The following EYS variants were observed in gnomAD, a reference collection of about 807,000 sequenced individuals.
The protein encoded by EYS is EGF-like photoreceptor maintenance factor.
Under a neutral mutation model 282.1 loss-of-function variants are expected in EYS, and 250 were observed. The observed-to-expected ratio is 0.89, with a 90% CI of 0.80 to 0.98. The LOEUF is 0.98. Among genes scored for constraint, EYS ranks in the 50% least tolerant of loss-of-function variants. The pLI is 0.00. For synonymous variants in EYS, 1,355 were observed against 1,282.9 expected (o/e 1.06, Z -1.20); for missense variants, 4,016 against 3,709.0 (o/e 1.08, Z -2.15).
chr6:64,212,622 G>A lies in EYS; in HGVS notation c.6424+17970C>T, dbSNP rs185351259. Among the ~76,000 whole-genome samples, 28 of 151,374 alleles carry A rather than the reference G, an allele frequency of 1.8e-4. No individual in the cohort carries two copies. In the East Asian group the frequency reaches 5.1e-3, roughly 27 times the overall value. Reference sequence around the variant, plus strand: ...TTAAAAGTCAAAAACAGATGCTGGCGAGGTTGTAGAGAAAAAGGAACACTT... The same window carrying A: ...TTAAAAGTCAAAAACAGATGCTGGCAAGGTTGTAGAGAAAAAGGAACACTT... On this transcript the variant is annotated intron_variant, in intron 31 of 42. Transcript: ENST00000503581.
intron 26 of EYS, among the ~76,000 whole-genome samples, chr6:64,518,413 C>T (rs961725885): frequency 1.3e-5 from 2 of 151,678 alleles, no homozygotes; most frequent in Admixed American, 6.6e-5. Flanking sequence ...CTCATGCATA[C>T]TCTGAGTCTA....
intron 22 of EYS, among the ~76,000 whole-genome samples, chr6:64,633,108 TTCTA>T (rs1251205142): frequency 2.0e-5 from 3 of 152,194 alleles, no homozygotes; most frequent in African/African-American, 7.2e-5. Flanking sequence ...TCCTGAGTAA[TTCTA>T]TTGTCACTAT....
At chr6:65,400,876 C>G (rs1766468462) in intron 7 of EYS, among the ~76,000 whole-genome samples, 2 of 151,846 alleles carry the variant, frequency 1.3e-5, no homozygotes, top group Admixed American at 1.3e-4. Flanking sequence ...AGTAGTTAAA[C>G]TAGTTGGAAG....
chr6:63,963,533 C>T (rs1001308881), intron 35 of EYS, among the ~76,000 whole-genome samples: 1 of 152,190 alleles, frequency 6.6e-6, no homozygotes, highest in Non-Finnish European at 1.5e-5. Context: ...GCATTGCTTT[C>T]TGCTCCTGGC....
At chr6:63,800,530 A>T (rs1770757622) in intron 37 of EYS, among the ~76,000 whole-genome samples, 1 of 152,158 alleles carries the variant, frequency 6.6e-6, no homozygotes, top group Admixed American at 6.5e-5. Flanking sequence ...CTGGGCGCGG[A>T]GTGGCTCACG....
At chr6:65,149,683 CAT>C (rs1764565021) in intron 12 of EYS, among the ~76,000 whole-genome samples, 1 of 152,270 alleles carries the variant, frequency 6.6e-6, no homozygotes, top group African/African-American at 2.4e-5. Context: ...AACTTTTCCA[CAT>C]GTTTCTGTCT....
At chr6:64,965,973 TGTGTGC>T (rs199541262) in intron 14 of EYS, among the ~76,000 whole-genome samples, 8 of 149,954 alleles carry the variant, frequency 5.3e-5, no homozygotes, top group South Asian at 2.1e-4. Context: ...TGTGTGTGTG[TGTGTGC>T]GCCTGTGTGT....
At chr6:64,352,651 T>A (rs1285312871) in intron 29 of EYS, among the ~76,000 whole-genome samples, 1 of 151,552 alleles carries the variant, frequency 6.6e-6, no homozygotes, top group African/African-American at 2.4e-5. Context: ...ATGAGTGATT[T>A]AATAACTTAA....
intron 29 of EYS, among the ~76,000 whole-genome samples, chr6:64,360,435 G>T (rs141154145): frequency 2.6e-5 from 4 of 151,640 alleles, no homozygotes; most frequent in African/African-American, 9.7e-5. Flanking sequence ...CTTGTGTGCC[G>T]CTATGTCATT....
intron 12 of EYS, among the ~76,000 whole-genome samples, chr6:65,258,183 G>A (rs1045334334): frequency 1.6e-4 from 25 of 151,868 alleles, no homozygotes; most frequent in African/African-American, 3.4e-4. Flanking sequence ...TTAAAAATGC[G>A]AAGATATTAA....
intron 5 of EYS, chr6:65,490,281 A>G (rs949589552): frequency 9.8e-6 from 2 of 204,116 alleles, no homozygotes; most frequent in Non-Finnish European, 2.0e-5. Context: ...AGAAGTGTCA[A>G]ATAAACACAT....
intron 2 of EYS, among the ~76,000 whole-genome samples, chr6:65,563,110 G>A (rs534094797): frequency 1.9e-4 from 29 of 152,190 alleles, no homozygotes; most frequent in African/African-American, 6.3e-4. Context: ...AATTGCAGTC[G>A]AGAGAATTTG....
chr6:65,289,877 A>G (rs1582105453), intron 12 of EYS, among the ~76,000 whole-genome samples: 1 of 151,162 alleles, frequency 6.6e-6, no homozygotes, highest in Admixed American at 6.6e-5. Flanking sequence ...AAATATACCA[A>G]AAAGCAATGA....
At chr6:64,797,252 C>T (rs1398210477) in intron 22 of EYS, among the ~76,000 whole-genome samples, 1 of 151,924 alleles carries the variant, frequency 6.6e-6, no homozygotes, top group African/African-American at 2.4e-5. Context: ...AATACCCGTA[C>T]TCTTTAAGAG....
intron 8 of EYS, among the ~76,000 whole-genome samples, chr6:65,356,589 C>A (rs1018444083): frequency 6.6e-6 from 1 of 152,016 alleles, no homozygotes; most frequent in African/African-American, 2.4e-5. Context: ...GGATATATTT[C>A]AATGGGTGCC....
intron 2 of EYS, among the ~76,000 whole-genome samples, chr6:65,562,321 C>A (rs1371526714): frequency 6.6e-6 from 1 of 151,982 alleles, no homozygotes; most frequent in African/African-American, 2.4e-5. Flanking sequence ...GGGTACATAT[C>A]ACCCATGGGG....
chr6:65,153,988 T>C (rs1293607933), intron 12 of EYS, among the ~76,000 whole-genome samples: 1 of 151,806 alleles, frequency 6.6e-6, no homozygotes, highest in Non-Finnish European at 1.5e-5. Flanking sequence ...CTAACGATAG[T>C]TCTATTAATA....
At chr6:64,841,997 T>C (rs775127999) in intron 19 of EYS, among the ~76,000 whole-genome samples, 19 of 152,150 alleles carry the variant, frequency 1.2e-4, no homozygotes, top group Non-Finnish European at 5.9e-5. Flanking sequence ...CAGGATTAGA[T>C]GGCTTTGTCT....
intron 22 of EYS, among the ~76,000 whole-genome samples, chr6:64,742,452 A>G (rs181670680): frequency 4.6e-5 from 7 of 152,304 alleles, no homozygotes; most frequent in African/African-American, 1.4e-4. Flanking sequence ...TGTGGCAAAA[A>G]TGGTGTCAAT....
Sources: allele counts gnomAD v4.1 joint callset (sites outside exome capture counted in the v4.1 genomes callset), GRCh38; gene constraint gnomAD v4.1.1; transcripts MANE v1.5; gene names NCBI Gene and HGNC (gene_info 2026-07-23, HGNC 2026-07-21).